The following PSD3 variants were observed in gnomAD, a reference collection of about 807,000 sequenced individuals.
PSD3 encodes the protein PH and SEC7 domain-containing protein 3.
PSD3 carries 49 observed loss-of-function variants against 105.5 expected under a neutral mutation model. The ratio of observed to expected loss-of-function variants is 0.46; its 90% CI spans 0.37 to 0.59. The LOEUF (loss-of-function observed/expected upper bound fraction) is 0.59. Ranked by LOEUF, PSD3 falls within the 20% of genes least tolerant of loss-of-function variation. PSD3 has a pLI of 0.00. For synonymous variants in PSD3, 557 were observed against 457.8 expected (o/e 1.22, Z -2.77); for missense variants, 1,561 against 1,263.8 (o/e 1.24, Z -3.57).
intron 11 of PSD3, among the ~76,000 whole-genome samples, chr8:18,608,062 C>T (rs1007695897): frequency 1.3e-5 from 2 of 152,242 alleles, no homozygotes; most frequent in Admixed American, 6.5e-5. Flanking sequence ...GGGGACACAG[C>T]CAAACCATAT....
At chr8:18,725,121 C>A (rs1254877652) in intron 9 of PSD3, among the ~76,000 whole-genome samples, 1 of 152,264 alleles carries the variant, frequency 6.6e-6, no homozygotes, top group African/African-American at 2.4e-5. Flanking sequence ...TATTGGCTCC[C>A]CATCATATTT....
chr8:18,722,306 C>T (rs1178505752), intron 9 of PSD3, among the ~76,000 whole-genome samples: 2 of 152,090 alleles, frequency 1.3e-5, no homozygotes, highest in Admixed American at 1.3e-4. Context: ...CAGCACTCAC[C>T]CTTACCTTTG....
chr8:18,871,945 G>GT lies in PSD3; in HGVS notation c.918dup (p.Leu307ThrfsTer17). 1 of 1,614,186 alleles carries GT rather than the reference G, an allele frequency of 6.2e-7. No individual in the cohort carries two copies. Among genetic ancestry groups the GT allele is most frequent in the Non-Finnish European group, 8.5e-7 (1 of 1,180,028 alleles). On this transcript the variant is annotated frameshift_variant, in exon 3 of 16. Transcript: ENST00000327040. LOFTEE classifies it high-confidence loss of function. ...TCTCTCTTGTCTCCTCCTGTCCACAGTATTTCCACTCCTTGAAATTCCACA... is the reference window on the plus strand; with the variant it reads ...TCTCTCTTGTCTCCTCCTGTCCACAGTTATTTCCACTCCTTGAAATTCCACA...
At chr8:18,702,465 G>C (rs1359775307) in intron 9 of PSD3, among the ~76,000 whole-genome samples, 2 of 152,116 alleles carry the variant, frequency 1.3e-5, no homozygotes, top group African/African-American at 4.8e-5. Context: ...ACGTACTTTA[G>C]GGGTATGTGT....
intron 11 of PSD3, among the ~76,000 whole-genome samples, chr8:18,622,044 G>C (rs1426669105): frequency 6.6e-6 from 1 of 152,060 alleles, no homozygotes; most frequent in Non-Finnish European, 1.5e-5. Flanking sequence ...TAAAGTGAGT[G>C]AACCTCTCCA....
At chr8:18,801,805 G>A (rs922406877) in intron 6 of PSD3, among the ~76,000 whole-genome samples, 1 of 151,990 alleles carries the variant, frequency 6.6e-6, no homozygotes, top group Non-Finnish European at 1.5e-5. Context: ...TCCAGCCTAG[G>A]CGACAGAGTG....
intron 1 of PSD3, among the ~76,000 whole-genome samples, chr8:18,943,686 G>A (rs1822694027): frequency 6.6e-6 from 1 of 152,080 alleles, no homozygotes; most frequent in African/African-American, 2.4e-5. Flanking sequence ...ACTACACTGG[G>A]AGACAGCCCC....
At chr8:19,008,354 G>A (rs1003285105) in intron 1 of PSD3, among the ~76,000 whole-genome samples, 12 of 152,142 alleles carry the variant, frequency 7.9e-5, no homozygotes, top group African/African-American at 2.9e-4. Context: ...CAGAGTCAGA[G>A]GAGACACTCT....
At chr8:18,961,879 C>T (rs1433875730) in intron 1 of PSD3, among the ~76,000 whole-genome samples, 2 of 152,172 alleles carry the variant, frequency 1.3e-5, no homozygotes, top group African/African-American at 4.8e-5. Flanking sequence ...CACTCACTCC[C>T]TCCAGCCCAT....
In PSD3 at chr8:18,805,191, C is replaced by A. The variant is rs1341939548; in HGVS notation, c.1635-293G>T. 1.3e-5 allele frequency among the ~76,000 whole-genome samples: 2 copies of A among 152,110 alleles called. 1 individual carries two copies. The highest frequency in any genetic ancestry group is 4.1e-4 in the South Asian group (2 of 4,820). ...GTGGGTTATACCTACCGATATTTAC[C>A]CTCGTAGTAATGAAAATAGAAACAT... On this transcript the variant is annotated intron_variant, in intron 4 of 15. Transcript: ENST00000327040.
chr8:18,969,843 C>T lies in PSD3; in HGVS notation c.22-33701G>A, dbSNP rs183920585. Among the ~76,000 whole-genome samples, 533 of 152,170 alleles carry T rather than the reference C, an allele frequency of 3.5e-3. 1 individual carries two copies. Among genetic ancestry groups the T allele is most frequent in the South Asian group, 0.012 (58 of 4,824 alleles). ...CATCATTATGGGTCTGTAGACACAA[C>T]AGATACATGTTCTCCATATAAATAT... On this transcript the variant is annotated intron_variant, in intron 1 of 15. Coordinates refer to ENST00000327040, the MANE Select transcript of PSD3 (RefSeq NM_015310.4).
chr8:19,039,007 T>A (rs1828036699), intron 1 of PSD3, among the ~76,000 whole-genome samples: 1 of 152,140 alleles, frequency 6.6e-6, no homozygotes, highest in African/African-American at 2.4e-5. Context: ...CCAGAGCTCT[T>A]AACCACTAAG....
intron 14 of PSD3, among the ~76,000 whole-genome samples, chr8:18,557,734 G>C (rs948050427): frequency 5.5e-4 from 83 of 152,290 alleles, no homozygotes; most frequent in African/African-American, 1.8e-3. Flanking sequence ...TGAGATTTTA[G>C]AAAGGCGTCT....
At chr8:18,546,276 C>T (rs7006104) in intron 15 of PSD3, among the ~76,000 whole-genome samples, 4,032 of 152,248 alleles carry the variant, frequency 0.026, 42 homozygotes, top group African/African-American at 0.031. Flanking sequence ...GGATTACAGG[C>T]GTGAGCCACC....
At chr8:19,049,917 A>G (rs1207936446) in intron 1 of PSD3, among the ~76,000 whole-genome samples, 2 of 152,170 alleles carry the variant, frequency 1.3e-5, no homozygotes, top group Non-Finnish European at 2.9e-5. Context: ...AAACCCATTA[A>G]TAAAAACCAA....
rs146646324 is a variant in PSD3 at position 18,935,599 on chromosome 8, A to T, written c.130+435T>A. ...GTAGTCCCAGCTAGTTGGGAGGCTG[A>T]GGCAGAAGGATCATTTGAGCCTGGA... On this transcript the variant is annotated intron_variant, in intron 2 of 15. Transcript: ENST00000327040. 2.3e-3 allele frequency among the ~76,000 whole-genome samples: 351 copies of T among 151,608 alleles called. 5 individuals carry two copies. The East Asian group carries it at 0.031, about 13-fold the overall frequency.
chr8:18,738,340 C>A (rs1251436811), intron 9 of PSD3, among the ~76,000 whole-genome samples: 1 of 152,124 alleles, frequency 6.6e-6, no homozygotes, highest in East Asian at 1.9e-4. Flanking sequence ...TCTGAAACTC[C>A]TTTTCTCATT....
chr8:19,022,422 C>A (rs1827392695), intron 1 of PSD3, among the ~76,000 whole-genome samples: 1 of 152,184 alleles, frequency 6.6e-6, no homozygotes, highest in Non-Finnish European at 1.5e-5. Flanking sequence ...AGACTCCATG[C>A]CAACTCTATT....
intron 1 of PSD3, among the ~76,000 whole-genome samples, chr8:18,970,345 A>AAAAAAAAG (rs1563474706): frequency 1.4e-5 from 2 of 145,132 alleles, no homozygotes; most frequent in African/African-American, 5.5e-5. Flanking sequence ...AAAAAAAAAA[A>AAAAAAAAG]AAACAAAGAA....
Sources: gnomAD v4.1 joint callset for allele counts (sites outside exome capture counted in the v4.1 genomes callset) on GRCh38, gnomAD v4.1.1 for gene constraint, MANE v1.5 for transcripts, NCBI Gene and HGNC (gene_info 2026-07-23, HGNC 2026-07-21) for gene names.